Variants in PTPRD observed in about 807,000 individuals in gnomAD.
PTPRD encodes the protein receptor-type tyrosine-protein phosphatase delta.
Under a neutral mutation model 214.5 loss-of-function variants are expected in PTPRD, and 34 were observed. That is an observed-to-expected ratio of 0.16 (90% CI 0.12 to 0.21). The LOEUF (loss-of-function observed/expected upper bound fraction) is 0.21. PTPRD is among the 10% of genes least tolerant of loss of function. The probability of loss-of-function intolerance (pLI) is 1.00; values close to 1 mark genes in which losing one functional copy is unlikely to be tolerated. For synonymous variants in PTPRD, 1,128 were observed against 845.7 expected, an observed-to-expected ratio of 1.33 and a Z score of -5.79; for missense variants, 2,545 against 2,398.7, an observed-to-expected ratio of 1.06 and a Z score of -1.27.
At chr9:10,231,989 A>AGAGAGTGTGTGTGTGTGTGT (rs1245284728) in intron 3 of PTPRD, among the ~76,000 whole-genome samples, 1 of 92,436 alleles carries the variant, frequency 1.1e-5, no homozygotes, top group African/African-American at 5.3e-5. Flanking sequence ...AGAGAGAGAG[A>AGAGAGTGTGTGTGTGTGTGT]GTGTGTGTGT....
At chr9:9,559,880 C>G (rs963527336) in intron 8 of PTPRD, among the ~76,000 whole-genome samples, 105 of 152,184 alleles carry the variant, frequency 6.9e-4, no homozygotes, top group African/African-American at 2.5e-3. Flanking sequence ...CTGCCAATGC[C>G]AAGGTGCAGA....
At chr9:9,551,913 A>G (rs975463506) in intron 8 of PTPRD, among the ~76,000 whole-genome samples, 1 of 152,014 alleles carries the variant, frequency 6.6e-6, no homozygotes, top group African/African-American at 2.4e-5. Flanking sequence ...AAAGACATGC[A>G]GAAAGAAATC....
intron 11 of PTPRD, among the ~76,000 whole-genome samples, chr9:8,759,472 T>A (rs984547730): frequency 6.6e-6 from 1 of 152,170 alleles, no homozygotes; most frequent in African/African-American, 2.4e-5. Context: ...CAAGGTATTG[T>A]CTGGTCTTCT....
chr9:8,755,348 G>A (rs1045298370), intron 11 of PTPRD, among the ~76,000 whole-genome samples: 3 of 151,944 alleles, frequency 2.0e-5, no homozygotes, highest in African/African-American at 2.4e-5. Flanking sequence ...TGGCCAACAT[G>A]GTGAAACCCT....
chr9:8,525,258 A>G (rs1284169297), intron 17 of PTPRD: 7 of 662,388 alleles, frequency 1.1e-5, no homozygotes, highest in South Asian at 5.0e-5. Flanking sequence ...TTAGAAATCA[A>G]TATCTCTTTT....
chr9:8,934,520 A>ATATATATAAAT (rs2098982871), intron 11 of PTPRD, among the ~76,000 whole-genome samples: 1 of 17,076 alleles, frequency 5.9e-5, no homozygotes, highest in Non-Finnish European at 1.1e-4. Flanking sequence ...TATATATATA[A>ATATATATAAAT]ATATATATAT....
chr9:8,744,017 AC>A (rs1226215543), intron 11 of PTPRD, among the ~76,000 whole-genome samples: 1 of 152,122 alleles, frequency 6.6e-6, no homozygotes, highest in South Asian at 2.1e-4. Flanking sequence ...CAAATGGCCA[AC>A]AAGCATATGG....
intron 10 of PTPRD, among the ~76,000 whole-genome samples, chr9:9,040,591 A>G (rs80330059): frequency 0.025 from 3,767 of 151,724 alleles, 159 homozygotes; most frequent in African/African-American, 0.086. Context: ...TTTTTTTTTC[A>G]TAACTGGTTT....
At chr9:8,576,280 T>G (rs2092347147) in intron 14 of PTPRD, among the ~76,000 whole-genome samples, 2 of 152,152 alleles carry the variant, frequency 1.3e-5, no homozygotes, top group African/African-American at 4.8e-5. Context: ...CACATAATAC[T>G]AAGTTTTGTT....
intron 11 of PTPRD, among the ~76,000 whole-genome samples, chr9:8,845,364 A>G (rs2097670003): frequency 6.6e-6 from 1 of 152,206 alleles, no homozygotes; most frequent in Admixed American, 6.5e-5. Flanking sequence ...TGTCATTTGA[A>G]TACAGTATTT....
intron 8 of PTPRD, among the ~76,000 whole-genome samples, chr9:9,534,178 C>T (rs1329336580): frequency 6.6e-6 from 1 of 152,038 alleles, no homozygotes; most frequent in Non-Finnish European, 1.5e-5. Context: ...TAAGGAAGAT[C>T]ATTCTGACAG....
At chr9:9,342,553 A>G (rs1469015228) in intron 9 of PTPRD, among the ~76,000 whole-genome samples, 10 of 152,130 alleles carry the variant, frequency 6.6e-5, no homozygotes, top group African/African-American at 2.4e-4. Flanking sequence ...GGAAGGGAAA[A>G]GTAGAGCTGT....
intron 4 of PTPRD, among the ~76,000 whole-genome samples, chr9:9,952,164 C>CT (rs1213898629): frequency 6.6e-6 from 1 of 152,110 alleles, no homozygotes; most frequent in East Asian, 1.9e-4. Context: ...GGACACAATC[C>CT]TAACACAGTG....
At chr9:9,095,730 G>T (rs991285475) in intron 10 of PTPRD, among the ~76,000 whole-genome samples, 2 of 152,062 alleles carry the variant, frequency 1.3e-5, no homozygotes, top group African/African-American at 4.8e-5. Context: ...ACTACCATAT[G>T]ACTCAGTAAT....
intron 5 of PTPRD, chr9:9,799,277 T>C (rs1200190376): frequency 6.6e-6 from 1 of 152,058 alleles, no homozygotes; most frequent in Admixed American, 6.6e-5. Flanking sequence ...AAATTAAAGA[T>C]CTTACAGAGA....
At chr9:9,516,996 C>T (rs1000500355) in intron 8 of PTPRD, among the ~76,000 whole-genome samples, 1 of 151,380 alleles carries the variant, frequency 6.6e-6, no homozygotes, top group Admixed American at 6.7e-5. Context: ...ATGATATAAA[C>T]ATAATAAATG....
chr9:10,420,913 C>G (rs932077943), intron 2 of PTPRD, among the ~76,000 whole-genome samples: 1 of 151,574 alleles, frequency 6.6e-6, no homozygotes, highest in Non-Finnish European at 1.5e-5. Flanking sequence ...GCTACTGTTA[C>G]AGAAATTGTC....
At chr9:10,071,528 A>C (rs1347163977) in intron 3 of PTPRD, among the ~76,000 whole-genome samples, 2 of 152,110 alleles carry the variant, frequency 1.3e-5, no homozygotes, top group Non-Finnish European at 2.9e-5. Context: ...GGAGAAAATC[A>C]TTACCAGAAA....
intron 10 of PTPRD, among the ~76,000 whole-genome samples, chr9:9,019,340 GAAAGAA>G (rs1221524882): frequency 1.3e-4 from 3 of 23,020 alleles, no homozygotes; most frequent in African/African-American, 2.3e-4. Flanking sequence ...AAGAAAGAAC[GAAAGAA>G]AGAAAGAAAG....
Sources: gnomAD v4.1 joint callset for allele counts (sites outside exome capture counted in the v4.1 genomes callset) on GRCh38, gnomAD v4.1.1 for gene constraint, MANE v1.5 for transcripts, NCBI Gene and HGNC (gene_info 2026-07-23, HGNC 2026-07-21) for gene names.